Variants in SUGCT observed in about 807,000 individuals in gnomAD.
SUGCT encodes succinyl-CoA:glutarate-CoA transferase.
Under a neutral mutation model 55.0 loss-of-function variants are expected in SUGCT, and 41 were observed. The observed-to-expected ratio is 0.74, with a 90% CI of 0.58 to 0.97. SUGCT has a LOEUF of 0.97. Ranked by LOEUF, SUGCT falls within the 50% of genes least tolerant of loss-of-function variation. SUGCT has a pLI of 0.00. For missense variants in SUGCT, 568 were observed against 547.8 expected, an observed-to-expected ratio of 1.04 and a Z score of -0.37; for synonymous variants, 187 against 200.4, an observed-to-expected ratio of 0.93 and a Z score of 0.56.
intron 9 of SUGCT, among the ~76,000 whole-genome samples, chr7:40,426,555 C>T (rs968372076): frequency 2.6e-5 from 4 of 152,114 alleles, no homozygotes; most frequent in Admixed American, 2.0e-4. Flanking sequence ...CAGAAATATC[C>T]GTTTAAGAAC....
At chr7:40,141,873 G>A in intron 1 of SUGCT, 1 of 422,398 alleles carries the variant, frequency 2.4e-6, no homozygotes, top group Non-Finnish European at 4.8e-6. Context: ...ATGGAACAAT[G>A]GTGAGCACAC....
chr7:40,810,748 G>A (rs1422351528), intron 13 of SUGCT, among the ~76,000 whole-genome samples: 2 of 152,054 alleles, frequency 1.3e-5, no homozygotes, highest in Non-Finnish European at 2.9e-5. Context: ...CTTTTGCTGT[G>A]CAGAAGCTCT....
At chr7:40,801,145 G>A (rs1298909161) in intron 13 of SUGCT, among the ~76,000 whole-genome samples, 1 of 152,212 alleles carries the variant, frequency 6.6e-6, no homozygotes, top group Non-Finnish European at 1.5e-5. Context: ...CCAGCAAGTG[G>A]CTTGATAGTG....
At chr7:40,285,049 T>C (rs1793228028) in intron 8 of SUGCT, among the ~76,000 whole-genome samples, 1 of 152,060 alleles carries the variant, frequency 6.6e-6, no homozygotes, top group Admixed American at 6.6e-5. Context: ...CTTCAACTTG[T>C]GATAATTGAT....
intron 12 of SUGCT, among the ~76,000 whole-genome samples, chr7:40,525,184 A>G (rs533294837): frequency 1.3e-5 from 2 of 152,312 alleles, no homozygotes; most frequent in East Asian, 3.9e-4. Context: ...TTTAATGCCT[A>G]TTCTCACGTT....
chr7:40,625,056 T>C (rs1278840133), intron 12 of SUGCT, among the ~76,000 whole-genome samples: 1 of 152,126 alleles, frequency 6.6e-6, no homozygotes, highest in East Asian at 1.9e-4. Flanking sequence ...TCCTTTGAGA[T>C]TGAAATAAAA....
At chr7:40,360,148 G>C (rs910040528) in intron 9 of SUGCT, among the ~76,000 whole-genome samples, 3 of 152,106 alleles carry the variant, frequency 2.0e-5, no homozygotes, top group African/African-American at 7.2e-5. Context: ...CAAGTAGCTG[G>C]GATTACAGGC....
chr7:40,625,189 C>T (rs1016272603), intron 12 of SUGCT, among the ~76,000 whole-genome samples: 1 of 152,144 alleles, frequency 6.6e-6, no homozygotes, highest in African/African-American at 2.4e-5. Context: ...CTGACTGCAT[C>T]TTACCTCCTC....
At chr7:40,580,610 A>G (rs901858259) in intron 12 of SUGCT, among the ~76,000 whole-genome samples, 1 of 152,218 alleles carries the variant, frequency 6.6e-6, no homozygotes, top group African/African-American at 2.4e-5. Context: ...AAATTAGACC[A>G]TCATGACTTC....
rs112631135 is a variant in SUGCT at position 40,774,629 on chromosome 7, CTGT to C, written c.1153+25138_1153+25140del. ...TTATAATTTCCTAACAGAGTTATTT[CTGT>C]TGTTGATACTTGTCTACAGATTATA... On this transcript the variant is annotated intron_variant, in intron 13 of 13. Transcript: ENST00000335693. 3.4e-3 allele frequency among the ~76,000 whole-genome samples: 512 copies of C among 152,172 alleles called. 3 individuals carry two copies. Among genetic ancestry groups the C allele is most frequent in the African/African-American group, 0.012 (486 of 41,516 alleles).
rs530681498 is a variant in SUGCT, at chr7:40,251,153, A to T, written c.576+13427A>T. Among the ~76,000 whole-genome samples, 5 of 151,956 alleles carry T rather than the reference A, an allele frequency of 3.3e-5. No homozygotes were observed. The East Asian group carries it at 9.7e-4, about 29-fold the overall frequency. The stretch of plus-strand genomic sequence containing the variant: ...CTCATTTCATGCTTCTTTAACTATT[A>T]CCTACATGTTCCATCATGTATTGAT... On this transcript the variant is annotated intron_variant, in intron 7 of 13. Transcript: ENST00000335693.
intron 9 of SUGCT, among the ~76,000 whole-genome samples, chr7:40,379,343 T>A (rs1415607431): frequency 6.6e-6 from 1 of 152,208 alleles, no homozygotes; most frequent in Non-Finnish European, 1.5e-5. Context: ...CTAGTCTTTG[T>A]CTGGTAAGTC....
chr7:40,136,890 G>T (rs1253136142), intron 1 of SUGCT, among the ~76,000 whole-genome samples: 1 of 152,058 alleles, frequency 6.6e-6, no homozygotes, highest in Non-Finnish European at 1.5e-5. Context: ...CCAGTTGCTT[G>T]GGAGGCTGAG....
intron 13 of SUGCT, among the ~76,000 whole-genome samples, chr7:40,780,292 T>G (rs747947743): frequency 3.2e-4 from 48 of 152,190 alleles, no homozygotes; most frequent in Non-Finnish European, 5.6e-4. Context: ...GACTTGTGTT[T>G]TTAAATTTTG....
chr7:40,330,120 G>A (rs542951061), intron 9 of SUGCT, among the ~76,000 whole-genome samples: 1 of 152,308 alleles, frequency 6.6e-6, no homozygotes, highest in Admixed American at 6.5e-5. Context: ...TTTGATCTCC[G>A]TAGACATTAT....
At chr7:40,221,179 C>G (rs187927738) in intron 6 of SUGCT, among the ~76,000 whole-genome samples, 257 of 151,810 alleles carry the variant, frequency 1.7e-3, no homozygotes, top group Non-Finnish European at 2.7e-3. Context: ...TTTGGGAGGC[C>G]GAGGCAGGCA....
At chr7:40,775,596 G>A (rs1391758928) in intron 13 of SUGCT, 1 of 152,210 alleles carries the variant, frequency 6.6e-6, no homozygotes, top group Admixed American at 6.5e-5. Flanking sequence ...AATTAAAGAT[G>A]TGGAGCTTTG....
At chr7:40,147,331 G>T (rs1402555815) in intron 1 of SUGCT, among the ~76,000 whole-genome samples, 1 of 152,050 alleles carries the variant, frequency 6.6e-6, no homozygotes, top group African/African-American at 2.4e-5. Context: ...CCCATCATGG[G>T]GATTTCTCAC....
chr7:40,335,208 T>C (rs567383310), intron 9 of SUGCT, among the ~76,000 whole-genome samples: 7 of 152,378 alleles, frequency 4.6e-5, no homozygotes, highest in African/African-American at 1.7e-4. Context: ...CTTTGTTCTT[T>C]TGGCTTAGGA....
Sources: gnomAD v4.1 joint callset for allele counts (sites outside exome capture counted in the v4.1 genomes callset) on GRCh38, gnomAD v4.1.1 for gene constraint, MANE v1.5 for transcripts, NCBI Gene and HGNC (gene_info 2026-07-23, HGNC 2026-07-21) for gene names.